The following SLC45A4 variants were observed in gnomAD, a reference collection of about 807,000 sequenced individuals.
SLC45A4 encodes polyamine-transporter SLC45A4.
In SLC45A4, 32 loss-of-function variants were observed where a neutral mutation model predicts 63.7. The observed-to-expected ratio is 0.50, with a 90% CI of 0.38 to 0.67. The LOEUF (loss-of-function observed/expected upper bound fraction) is 0.67. Among genes scored for constraint, SLC45A4 ranks in the 30% least tolerant of loss-of-function variants. The pLI, the probability that SLC45A4 is intolerant of heterozygous loss-of-function variation, is 0.00. For synonymous variants in SLC45A4, 535 were observed against 510.0 expected (o/e 1.05, Z -0.66); for missense variants, 1,027 against 1,157.7 (o/e 0.89, Z 1.64).
intron 2 of SLC45A4, chr8:141,252,592 C>T (rs974905544): frequency 7.4e-5 from 8 of 108,322 alleles, no homozygotes; most frequent in Admixed American, 4.4e-4. Context: ...TGTGAATTTC[C>T]GTGTTTTCAT....
intron 5 of SLC45A4, among the ~76,000 whole-genome samples, 172 bp downstream of exon 5, chr8:141,217,839 C>T (rs1011830561): frequency 3.9e-5 from 6 of 152,212 alleles, no homozygotes; most frequent in African/African-American, 7.2e-5. Context: ...TTCCCAGAGG[C>T]GCGCGCGGGC....
At chr8:141,234,869 G>C (rs987681902) in intron 2 of SLC45A4, among the ~76,000 whole-genome samples, 1 of 152,166 alleles carries the variant, frequency 6.6e-6, no homozygotes. Flanking sequence ...CTGGGATTGC[G>C]TCACTGTGAG....
intron 1 of SLC45A4, among the ~76,000 whole-genome samples, chr8:141,270,322 T>A (rs548098437): frequency 9.4e-5 from 13 of 137,870 alleles, no homozygotes; most frequent in Non-Finnish European, 1.7e-4. Context: ...GGGCCAGGAG[T>A]TCAAGACCAC....
chr8:141,235,783 T>C (rs970066203), intron 2 of SLC45A4, among the ~76,000 whole-genome samples: 4 of 152,120 alleles, frequency 2.6e-5, no homozygotes, highest in Admixed American at 6.5e-5. Flanking sequence ...AAAAGTTAAA[T>C]AAACAACTGG....
intron 2 of SLC45A4, chr8:141,230,374 C>T (rs964346487): frequency 5.3e-5 from 18 of 338,126 alleles, no homozygotes; most frequent in Admixed American, 2.8e-4. Flanking sequence ...GGGAAGCGGC[C>T]GCAAAGACCC....
rs560289756 is a variant in SLC45A4, at chr8:141,221,740, G to A, written c.267C>T (p.Leu89=). 35 of 1,613,972 alleles carry A rather than the reference G, an allele frequency of 2.2e-5. No individual in the cohort carries two copies. Among genetic ancestry groups the A allele is most frequent in the Non-Finnish European group, 2.9e-5 (34 of 1,180,040 alleles). ...QIGLPEQYYS[L]TWFLSPILGL... is the part of the protein sequence containing the mutation. ...CAAGGATGGGGCTCAGGAACCAGGT[G>A]AGGCTGTAGTACTGCTCCGGAAGGC... The change falls in exon 3 of 9, where the codon CTC becomes CTT. Residue 89 remains leucine, a synonymous_variant. Transcript: ENST00000517878.
intron 1 of SLC45A4, among the ~76,000 whole-genome samples, chr8:141,265,343 A>C (rs891157017): frequency 6.6e-6 from 1 of 152,198 alleles, no homozygotes; most frequent in Non-Finnish European, 1.5e-5. Context: ...CTAGGGCCTC[A>C]CAAGAAATGA....
chr8:141,211,898 C>A, intron 8 of SLC45A4: 1 of 1,248,576 alleles, frequency 8.0e-7, no homozygotes, highest in Non-Finnish European at 1.0e-6. Context: ...AATAATACAC[C>A]TGCAGAATAA....
At chr8:141,286,695 T>G (rs976982736) in intron 1 of SLC45A4, among the ~76,000 whole-genome samples, 12 of 151,552 alleles carry the variant, frequency 7.9e-5, no homozygotes, top group Non-Finnish European at 1.6e-4. Context: ...GCCCCAACTT[T>G]AACTTCTTTC....
intron 2 of SLC45A4, among the ~76,000 whole-genome samples, chr8:141,245,739 G>T (rs539149262): frequency 1.1e-4 from 17 of 152,298 alleles, no homozygotes; most frequent in Non-Finnish European, 2.2e-4. Flanking sequence ...AGGGCAGGGG[G>T]AAGGGAGGGG....
chr8:141,298,313 C>T (rs949698131), intron 1 of SLC45A4, among the ~76,000 whole-genome samples: 6 of 152,260 alleles, frequency 3.9e-5, no homozygotes, highest in East Asian at 3.8e-4. Flanking sequence ...CCTGCTCAGA[C>T]GTTTTCCGCA....
chr8:141,273,065 C>G (rs192380400), intron 1 of SLC45A4, among the ~76,000 whole-genome samples: 1 of 152,256 alleles, frequency 6.6e-6, no homozygotes, highest in Non-Finnish European at 1.5e-5. Flanking sequence ...AGCAAACACG[C>G]GAGAAGAGCT....
At chr8:141,251,185 T>C (rs1828449153) in intron 2 of SLC45A4, among the ~76,000 whole-genome samples, 1 of 152,174 alleles carries the variant, frequency 6.6e-6, no homozygotes, top group Admixed American at 6.5e-5. Flanking sequence ...CTTTCATGAT[T>C]AGCTCGGTGC....
rs560104701 is a variant in SLC45A4, at chr8:141,256,522, C to T, written c.-400-1893G>A. The stretch of plus-strand genomic sequence containing the variant: ...TGATGGAGAAGGTGGGTCCCTGGCA[C>T]GTGGGCCCCAGGAGGGAGAAGACTC... On this transcript the variant is annotated intron_variant, in intron 1 of 8. Transcript: ENST00000517878. This position sits in a 1 kb window ranked among gnomAD's most constrained non-coding sequence, Gnocchi z 4.3. The T allele has an allele frequency of 2.6e-5, 12 of 456,200 alleles. No homozygotes were observed. The highest frequency in any genetic ancestry group is 2.1e-4 in the East Asian group (3 of 14,380). 28.3% of individuals were successfully genotyped at this position (456,200 alleles called of 1,614,324 possible). A position where few individuals can be genotyped will look rare whatever the true frequency, so the allele number is the denominator to read the frequency against.
In SLC45A4 at chr8:141,295,779, T is replaced by C. The variant is rs76829415; in HGVS notation, c.-401+12317A>G. The stretch of plus-strand genomic sequence containing the variant: ...GGTTACCCTGGTTGAGTGAACGTGA[T>C]GAGAAAAAACAACTTCTCAAGGCTG... On this transcript the variant is annotated intron_variant, in intron 1 of 8. Coordinates refer to ENST00000517878, the MANE Select transcript of SLC45A4 (RefSeq NM_001286646.2). Among the ~76,000 whole-genome samples, 1,444 of 152,278 alleles carry C rather than the reference T, an allele frequency of 9.5e-3. 14 individuals carry two copies. The highest frequency in any genetic ancestry group is 0.015 in the Non-Finnish European group (1,016 of 68,016).
rs116053525 is a variant in SLC45A4, at chr8:141,232,686, C to T, written c.242-10921G>A. Among the ~76,000 whole-genome samples the T allele has an allele frequency of 4.9e-3, 721 of 148,564 alleles. 9 individuals carry two copies. Among genetic ancestry groups the T allele is most frequent in the African/African-American group, 0.017 (680 of 40,118 alleles). ...ACATTCAGTGGCTCCCAGGTGAGCG[C>T]TCACCAGCTGCAACGGGAACACAGA... On this transcript the variant is annotated intron_variant, in intron 2 of 8. Coordinates refer to ENST00000517878, the MANE Select transcript of SLC45A4 (RefSeq NM_001286646.2).
chr8:141,216,085 C>G (rs1826134097), intron 6 of SLC45A4, 115 bp from the exon 7 acceptor site: 18 of 939,156 alleles, frequency 1.9e-5, no homozygotes, highest in Non-Finnish European at 2.9e-5. Context: ...CTCCTTCCAG[C>G]TGAACCCAGA....
At chr8:141,230,880 G>T (rs992017609) in intron 2 of SLC45A4, among the ~76,000 whole-genome samples, 1 of 152,222 alleles carries the variant, frequency 6.6e-6, no homozygotes, top group Non-Finnish European at 1.5e-5. Context: ...CGGCCCCAAC[G>T]ACGCGGAACC....
intron 2 of SLC45A4, among the ~76,000 whole-genome samples, chr8:141,249,648 A>T (rs1235227360): frequency 1.3e-5 from 2 of 152,138 alleles, no homozygotes; most frequent in Non-Finnish European, 1.5e-5. Flanking sequence ...TGGACATCTC[A>T]TGCCAACTGT....
Sources: allele counts gnomAD v4.1 joint callset (sites outside exome capture counted in the v4.1 genomes callset), GRCh38; gene constraint gnomAD v4.1.1; non-coding constraint Gnocchi (gnomAD v3.1); transcripts MANE v1.5; gene names NCBI Gene and HGNC (gene_info 2026-07-23, HGNC 2026-07-21).